Variants in DDX10 observed in about 807,000 individuals in gnomAD.
DDX10 encodes DEAD-box helicase 10, also known as probable ATP-dependent RNA helicase DDX10.
DDX10 carries 74 observed loss-of-function variants against 104.3 expected under a neutral mutation model. The ratio of observed to expected loss-of-function variants is 0.71; its 90% CI spans 0.59 to 0.86. The LOEUF (loss-of-function observed/expected upper bound fraction) is 0.86, where lower values mean the gene tolerates loss of function less well. Ranked by LOEUF, DDX10 falls within the 40% of genes least tolerant of loss-of-function variation. DDX10 has a pLI of 0.00. For synonymous variants in DDX10, 351 were observed against 353.4 expected (o/e 0.99, Z 0.08); for missense variants, 952 against 1,040.0 (o/e 0.92, Z 1.16).
intron 15 of DDX10, among the ~76,000 whole-genome samples, chr11:108,844,959 G>T (rs1346153588): frequency 6.6e-6 from 1 of 152,174 alleles, no homozygotes; most frequent in African/African-American, 2.4e-5. Flanking sequence ...CACTTTGGGA[G>T]GCCGAGGTGG....
intron 11 of DDX10, among the ~76,000 whole-genome samples, chr11:108,717,238 G>A (rs2094292654): frequency 1.3e-5 from 2 of 152,196 alleles, no homozygotes; most frequent in African/African-American, 2.4e-5. Context: ...AGCCTGAGCA[G>A]AAAAACATTC....
rs183183961 is a variant in DDX10 at position 108,770,423 on chromosome 11, A to G, written c.1965+46961A>G. 8.3e-4 allele frequency among the ~76,000 whole-genome samples: 126 copies of G among 152,046 alleles called. 2 individuals carry two copies. The highest frequency in any genetic ancestry group is 2.9e-3 in the African/African-American group (119 of 41,464). On this transcript the variant is annotated intron_variant, in intron 13 of 17. Transcript: ENST00000322536. Reference sequence around the variant, plus strand: ...CACTTTTTTTTTGTACTATTATGCTATCAAATAGTAGGTCTTATTCATTCT... The same window carrying G: ...CACTTTTTTTTTGTACTATTATGCTGTCAAATAGTAGGTCTTATTCATTCT...
chr11:108,770,759 A>C (rs928540217), intron 13 of DDX10, among the ~76,000 whole-genome samples: 7 of 150,536 alleles, frequency 4.7e-5, no homozygotes, highest in Non-Finnish European at 3.0e-5. Context: ...TTTTTTTTTA[A>C]TCCATTCATC....
At chr11:108,934,673 A>G (rs1047649886) in intron 17 of DDX10, among the ~76,000 whole-genome samples, 91 of 152,234 alleles carry the variant, frequency 6.0e-4, no homozygotes, top group African/African-American at 2.1e-3. Flanking sequence ...CTCACATGGA[A>G]GTTGCAGTCA....
intron 13 of DDX10, among the ~76,000 whole-genome samples, chr11:108,761,499 G>A (rs1453970238): frequency 6.6e-6 from 1 of 151,850 alleles, no homozygotes; most frequent in Non-Finnish European, 1.5e-5. Flanking sequence ...CCTTGGTTTC[G>A]TATGCAGTTA....
At chr11:108,805,970 A>T (rs1343725202) in intron 13 of DDX10, among the ~76,000 whole-genome samples, 3 of 151,580 alleles carry the variant, frequency 2.0e-5, no homozygotes, top group Non-Finnish European at 4.4e-5. Flanking sequence ...ATTTTATTTT[A>T]TTTTTTTTGA....
intron 13 of DDX10, among the ~76,000 whole-genome samples, chr11:108,747,245 T>C (rs969231974): frequency 2.6e-5 from 4 of 152,266 alleles, no homozygotes; most frequent in Admixed American, 6.5e-5. Flanking sequence ...TACAATAATT[T>C]AAGGTAGACT....
chr11:108,802,674 A>G (rs2134559438), intron 13 of DDX10, among the ~76,000 whole-genome samples: 1 of 152,176 alleles, frequency 6.6e-6, no homozygotes, highest in East Asian at 1.9e-4. Context: ...AGTTTCCCAG[A>G]GTGAGTTGTT....
intron 6 of DDX10, among the ~76,000 whole-genome samples, chr11:108,686,562 T>G (rs1257909220): frequency 6.6e-6 from 1 of 152,180 alleles, no homozygotes; most frequent in African/African-American, 2.4e-5. Context: ...TTTCATGGAG[T>G]GATATGATAG....
intron 16 of DDX10, among the ~76,000 whole-genome samples, chr11:108,884,799 C>A (rs1863273137): frequency 6.6e-6 from 1 of 152,138 alleles, no homozygotes; most frequent in Non-Finnish European, 1.5e-5. Context: ...AAGATTTTCC[C>A]CCTTAACTTC....
intron 12 of DDX10, among the ~76,000 whole-genome samples, chr11:108,721,824 A>G (rs1188761448): frequency 6.6e-6 from 1 of 152,198 alleles, no homozygotes; most frequent in East Asian, 1.9e-4. Context: ...TTGTAGATGT[A>G]TAAGATGTAC....
chr11:108,769,255 A>G (rs2094359973), intron 13 of DDX10, among the ~76,000 whole-genome samples: 1 of 151,198 alleles, frequency 6.6e-6, no homozygotes, highest in African/African-American at 2.4e-5. Context: ...GATGTTGTAT[A>G]ATCTCTTTTT....
chr11:108,705,689 A>G (rs1358007096), intron 9 of DDX10, among the ~76,000 whole-genome samples: 2 of 152,214 alleles, frequency 1.3e-5, no homozygotes, highest in East Asian at 3.8e-4. Context: ...ATTTTATAGT[A>G]TGAATCCTGG....
intron 16 of DDX10, among the ~76,000 whole-genome samples, chr11:108,896,087 A>C (rs1347581046): frequency 6.6e-6 from 1 of 152,164 alleles, no homozygotes; most frequent in Non-Finnish European, 1.5e-5. Context: ...AAGTGACTTT[A>C]GTAGGAGATC....
At chr11:108,880,511 C>T (rs1047356685) in intron 16 of DDX10, among the ~76,000 whole-genome samples, 1 of 152,086 alleles carries the variant, frequency 6.6e-6, no homozygotes, top group Non-Finnish European at 1.5e-5. Flanking sequence ...CTTTCTAGCT[C>T]AGAAGCCCGC....
chr11:108,883,512 C>T (rs1176430847), intron 16 of DDX10, among the ~76,000 whole-genome samples: 1 of 151,998 alleles, frequency 6.6e-6, no homozygotes, highest in Non-Finnish European at 1.5e-5. Context: ...CCGTCTTTAC[C>T]AGATCTTCTT....
intron 13 of DDX10, among the ~76,000 whole-genome samples, chr11:108,795,008 A>G (rs1196963819): frequency 2.0e-5 from 3 of 151,974 alleles, no homozygotes; most frequent in Non-Finnish European, 2.9e-5. Context: ...TTGTATTTTT[A>G]GTAGAGGTGG....
intron 17 of DDX10, chr11:108,919,286 G>A (rs1295448023): frequency 1.3e-5 from 2 of 152,078 alleles, no homozygotes; most frequent in East Asian, 3.9e-4. Flanking sequence ...ACCACAAGAG[G>A]CACCACAGAT....
At chr11:108,844,574 A>T (rs934852699) in intron 15 of DDX10, among the ~76,000 whole-genome samples, 1 of 152,198 alleles carries the variant, frequency 6.6e-6, no homozygotes, top group Admixed American at 6.5e-5. Context: ...TGAAGCAGTG[A>T]TGTTTGTTGG....
Sources: allele counts gnomAD v4.1 joint callset (sites outside exome capture counted in the v4.1 genomes callset), GRCh38; gene constraint gnomAD v4.1.1; transcripts MANE v1.5; gene names NCBI Gene and HGNC (gene_info 2026-07-23, HGNC 2026-07-21).